The following TRAPPC9 variants were observed in gnomAD, a reference collection of about 807,000 sequenced individuals.
TRAPPC9 encodes IKK2 binding protein.
In TRAPPC9, 83 loss-of-function variants were observed where a neutral mutation model predicts 124.0. The ratio of observed to expected loss-of-function variants is 0.67; its 90% CI spans 0.56 to 0.80. The LOEUF (loss-of-function observed/expected upper bound fraction) is 0.80. TRAPPC9 is among the 30% of genes least tolerant of loss of function. TRAPPC9 has a pLI of 0.00. For missense variants in TRAPPC9, 1,302 were observed against 1,508.3 expected, an observed-to-expected ratio of 0.86 and a Z score of 2.27; for synonymous variants, 638 against 617.5, an observed-to-expected ratio of 1.03 and a Z score of -0.49.
At chr8:139,896,123 G>C (rs1215603656) in intron 20 of TRAPPC9, among the ~76,000 whole-genome samples, 1 of 152,194 alleles carries the variant, frequency 6.6e-6, no homozygotes, top group Non-Finnish European at 1.5e-5. Flanking sequence ...ATGCATATCC[G>C]ACTTCCTTTC....
intron 7 of TRAPPC9, among the ~76,000 whole-genome samples, chr8:140,393,032 TTTTTATTTTATTTTATTTTATTTTA>T (rs200195467): frequency 5.1e-5 from 7 of 138,024 alleles, no homozygotes; most frequent in South Asian, 2.3e-4. Context: ...TCCCATTTTA[TTTTTATTTTATTTTATTTTATTTTA>T]TTTTATTTTA....
chr8:139,842,144 T>C (rs1398734685), intron 21 of TRAPPC9, among the ~76,000 whole-genome samples: 4 of 152,252 alleles, frequency 2.6e-5, no homozygotes, highest in Non-Finnish European at 2.9e-5. Flanking sequence ...GTCAGAGCTG[T>C]GCTTTTAAAA....
intron 4 of TRAPPC9, among the ~76,000 whole-genome samples, chr8:140,431,584 A>G (rs2070648663): frequency 6.6e-6 from 1 of 152,220 alleles, no homozygotes; most frequent in African/African-American, 2.4e-5. Context: ...ACTTCATATA[A>G]AATAATAGCT....
At chr8:140,089,174 C>A (rs1360461552) in intron 17 of TRAPPC9, among the ~76,000 whole-genome samples, 2 of 152,230 alleles carry the variant, frequency 1.3e-5, no homozygotes, top group Non-Finnish European at 2.9e-5. Flanking sequence ...CCCCTCAATG[C>A]ACTGATGGCC....
chr8:139,986,576 G>A (rs1164572321), intron 19 of TRAPPC9, among the ~76,000 whole-genome samples: 3 of 152,158 alleles, frequency 2.0e-5, no homozygotes, highest in Non-Finnish European at 4.4e-5. Flanking sequence ...CACCTAATGT[G>A]TTCATCTGCC....
chr8:139,905,615 G>A (rs1041631518), intron 20 of TRAPPC9, among the ~76,000 whole-genome samples: 2 of 152,130 alleles, frequency 1.3e-5, no homozygotes. Flanking sequence ...AGAATGGTAG[G>A]AAACTGCCTG....
chr8:139,940,583 G>A (rs1258163317), intron 19 of TRAPPC9, among the ~76,000 whole-genome samples: 1 of 152,220 alleles, frequency 6.6e-6, no homozygotes, highest in East Asian at 1.9e-4. Context: ...AGAGTCACAG[G>A]CCTGGGCTCA....
intron 3 of TRAPPC9, among the ~76,000 whole-genome samples, chr8:140,437,481 G>A (rs942756311): frequency 2.6e-5 from 4 of 152,104 alleles, no homozygotes; most frequent in African/African-American, 7.2e-5. Flanking sequence ...AATTTAGCCG[G>A]GTGTGGTAGT....
intron 2 of TRAPPC9, among the ~76,000 whole-genome samples, chr8:140,443,695 G>A (rs1411937535): frequency 6.6e-6 from 1 of 152,120 alleles, no homozygotes; most frequent in Non-Finnish European, 1.5e-5. Flanking sequence ...GAAGCCAGGA[G>A]TTCGAGAACA....
At position 140,283,931 on chromosome 8, in the gene TRAPPC9, A is replaced by C; in HGVS notation, c.2072T>G (p.Ile691Ser). 1 of 1,614,142 alleles carries C rather than the reference A, an allele frequency of 6.2e-7. No individual in the cohort carries two copies. The highest frequency in any genetic ancestry group is 1.1e-5 in the South Asian group (1 of 91,072). Residue 691 changes from isoleucine (I) to serine (S), a missense_variant, in exon 14 of 23, where the codon ATT (isoleucine) becomes AGT (serine). By Grantham distance (142) the Ile-to-Ser change is moderately radical (BLOSUM62 -2). This residue lies in a region of TRAPPC9 where 640 missense variants were observed against 679.3 expected (regional missense o/e 0.94). Transcript: ENST00000438773. The stretch of plus-strand genomic sequence containing the variant: ...GATCTGCAGTCTTGGCAACGCGGGA[A>C]TGACTTCCACTGTGGAGCCACTGGT... ...IKTSGSTVEV[I>S]PALPRLQIST...
intron 7 of TRAPPC9, among the ~76,000 whole-genome samples, chr8:140,392,254 C>A (rs571944693): frequency 6.6e-6 from 1 of 152,244 alleles, no homozygotes; most frequent in South Asian, 2.1e-4. Flanking sequence ...ATGATTATGG[C>A]CAATATCTGA....
At chr8:139,938,800 C>T (rs2665914) in intron 19 of TRAPPC9, among the ~76,000 whole-genome samples, 96,552 of 149,642 alleles carry the variant, frequency 0.65, 31,631 homozygotes, top group Middle Eastern at 0.79. Context: ...CGCCCGCCAC[C>T]ACGCCCGGCT....
At chr8:140,194,986 C>T (rs1331277950) in intron 17 of TRAPPC9, among the ~76,000 whole-genome samples, 1 of 152,120 alleles carries the variant, frequency 6.6e-6, no homozygotes, top group Non-Finnish European at 1.5e-5. Flanking sequence ...CACTAAAACA[C>T]ACTCAAGGTT....
intron 13 of TRAPPC9, among the ~76,000 whole-genome samples, chr8:140,286,704 G>A (rs1233463205): frequency 6.6e-6 from 1 of 152,106 alleles, no homozygotes. Context: ...GGCGAGGTAG[G>A]GAGTTCTGAT....
chr8:140,395,537 T>A (rs2069065488), intron 7 of TRAPPC9, among the ~76,000 whole-genome samples: 2 of 152,186 alleles, frequency 1.3e-5, no homozygotes, highest in Admixed American at 1.3e-4. Flanking sequence ...CTATAAACAT[T>A]ATAAAGTACC....
At chr8:140,418,455 T>C in intron 5 of TRAPPC9, among the ~76,000 whole-genome samples, 1 of 152,204 alleles carries the variant, frequency 6.6e-6, no homozygotes, top group East Asian at 1.9e-4. Flanking sequence ...GCGCAGTGGC[T>C]CACGCCTGTA....
intron 21 of TRAPPC9, among the ~76,000 whole-genome samples, chr8:139,846,873 T>A (rs1249174551): frequency 1.3e-5 from 2 of 152,228 alleles, no homozygotes; most frequent in Non-Finnish European, 2.9e-5. Flanking sequence ...AGGCTGTGCA[T>A]TCAAGACCAC....
At chr8:140,272,123 A>ATTATGG (rs796799306) in intron 15 of TRAPPC9, among the ~76,000 whole-genome samples, 1 of 141,050 alleles carries the variant, frequency 7.1e-6, no homozygotes, top group Non-Finnish European at 1.5e-5. Context: ...GGCAATGGTG[A>ATTATGG]TGGTGGCGAT....
At chr8:140,332,423 T>C (rs2066918227) in intron 9 of TRAPPC9, among the ~76,000 whole-genome samples, 1 of 152,140 alleles carries the variant, frequency 6.6e-6, no homozygotes, top group Non-Finnish European at 1.5e-5. Context: ...TGACTAAAAG[T>C]AACAACAATT....
Sources: allele counts gnomAD v4.1 joint callset (sites outside exome capture counted in the v4.1 genomes callset), GRCh38; gene constraint gnomAD v4.1.1; regional missense constraint gnomAD v4.1.1; transcripts MANE v1.5; gene names NCBI Gene and HGNC (gene_info 2026-07-23, HGNC 2026-07-21).